The following AFAP1L1 variants were observed in gnomAD, a reference collection of about 807,000 sequenced individuals.
AFAP1L1 encodes the protein actin filament-associated protein 1-like 1.
AFAP1L1 carries 77 observed loss-of-function variants against 99.8 expected under a neutral mutation model. The observed-to-expected ratio is 0.77, with a 90% confidence interval of 0.64 to 0.93. The LOEUF is 0.93. AFAP1L1 is among the 40% of genes least tolerant of loss of function. The probability of loss-of-function intolerance (pLI) is 0.00; values close to 1 mark genes in which losing one functional copy is unlikely to be tolerated. For synonymous variants in AFAP1L1, 373 were observed against 395.3 expected, an observed-to-expected ratio of 0.94 and a Z score of 0.67; for missense variants, 893 against 996.8, an observed-to-expected ratio of 0.90 and a Z score of 1.40.
intron 15 of AFAP1L1, among the ~76,000 whole-genome samples, chr5:149,323,940 G>A (rs539465682): frequency 1.3e-5 from 2 of 152,334 alleles, no homozygotes; most frequent in East Asian, 3.9e-4. Flanking sequence ...ACACAAAAAA[G>A]CAGACCCTTT....
chr5:149,324,644 T>C (rs1427308276), intron 15 of AFAP1L1, among the ~76,000 whole-genome samples: 1 of 152,186 alleles, frequency 6.6e-6, no homozygotes. Flanking sequence ...CTTGGATAGA[T>C]AGTTCTGGCT....
intron 18 of AFAP1L1, among the ~76,000 whole-genome samples, chr5:149,338,609 G>A (rs1757472819): frequency 6.6e-6 from 1 of 152,218 alleles, no homozygotes; most frequent in African/African-American, 2.4e-5. Context: ...CCATATGCCA[G>A]TCTTGTTCTA....
intron 15 of AFAP1L1, among the ~76,000 whole-genome samples, chr5:149,326,551 A>T (rs964581105): frequency 3.4e-5 from 4 of 117,952 alleles, no homozygotes; most frequent in African/African-American, 7.9e-5. Flanking sequence ...AAAATAAAAA[A>T]AAAAAAAAAA....
chr5:149,322,429 A>C lies in AFAP1L1; in HGVS notation c.1699-177A>C, dbSNP rs114550434. The stretch of plus-strand genomic sequence containing the variant: ...CCCCCAGCAGAAAGGTATGAGGTTC[A>C]AATGATATACTGCTAGCAAAAGTGC... On this transcript the variant is annotated intron_variant, in intron 14 of 18. Transcript: ENST00000296721. 7.6e-3 allele frequency among the ~76,000 whole-genome samples: 1,154 copies of C among 152,332 alleles called. 8 individuals are homozygous for C. Among genetic ancestry groups the C allele is most frequent in the African/African-American group, 0.026 (1,092 of 41,568 alleles).
At chr5:149,284,349 C>G (rs116757598) in intron 1 of AFAP1L1, among the ~76,000 whole-genome samples, 1 of 152,180 alleles carries the variant, frequency 6.6e-6, no homozygotes, top group African/African-American at 2.4e-5. Flanking sequence ...TGAATCCTGG[C>G]TCTACTCCTT....
At position 149,332,757 on chromosome 5, in the gene AFAP1L1, G is replaced by A. The variant is rs765756118; in HGVS notation, c.2038G>A (p.Glu680Lys). ...ATLEAQCRAKEERRIDLELKL... is the reference protein window; with the variant it reads ...ATLEAQCRAKKERRIDLELKL... ...CCTGGAAGCTCAGTGTCGGGCAAAG[G>A]AGGAGCGCCGGATTGACCTGGAGCT... The change falls in exon 17 of 19, where the codon GAG becomes AAG. Residue 680 changes from glutamate to lysine, a missense_variant. Coordinates refer to ENST00000296721, the MANE Select transcript of AFAP1L1 (RefSeq NM_152406.4). 6.2e-7 allele frequency: 1 copy of A among 1,613,894 alleles called. No homozygotes were observed. The highest frequency in any genetic ancestry group is 1.1e-5 in the South Asian group (1 of 91,068).
At chr5:149,290,339 C>T (rs1239110240) in intron 1 of AFAP1L1, among the ~76,000 whole-genome samples, 2 of 152,176 alleles carry the variant, frequency 1.3e-5, no homozygotes, top group African/African-American at 4.8e-5. Flanking sequence ...TTACTGAGAG[C>T]TTACTATGTG....
At chr5:149,280,138 A>G (rs190572206) in intron 1 of AFAP1L1, among the ~76,000 whole-genome samples, 3 of 152,350 alleles carry the variant, frequency 2.0e-5, no homozygotes, top group Admixed American at 2.0e-4. Flanking sequence ...TAACTCCAGG[A>G]TTCTCCATGT....
intron 1 of AFAP1L1, among the ~76,000 whole-genome samples, chr5:149,280,049 A>G (rs978849019): frequency 6.6e-5 from 10 of 152,312 alleles, no homozygotes; most frequent in Admixed American, 5.9e-4. Context: ...TAGGTGCTCA[A>G]TAAATGTCTG....
chr5:149,333,417 C>G (rs1293449327), intron 17 of AFAP1L1, among the ~76,000 whole-genome samples: 11 of 152,200 alleles, frequency 7.2e-5, no homozygotes, highest in Admixed American at 7.2e-4. Flanking sequence ...ATGGCAAAAC[C>G]CTGTCTCTAC....
chr5:149,315,535 C>T, intron 9 of AFAP1L1: 1 of 370,092 alleles, frequency 2.7e-6, no homozygotes. Flanking sequence ...CTCCCTGTCA[C>T]CTGCCAAATA....
intron 3 of AFAP1L1, 130 bp from the exon 4 acceptor site, chr5:149,301,003 G>C: frequency 3.0e-6 from 2 of 671,064 alleles, no homozygotes; most frequent in East Asian, 2.6e-5. Context: ...CATTTGTTTA[G>C]GGTTACTAAC....
At chr5:149,282,965 A>G (rs1016308463) in intron 1 of AFAP1L1, among the ~76,000 whole-genome samples, 4 of 152,230 alleles carry the variant, frequency 2.6e-5, no homozygotes, top group Non-Finnish European at 4.4e-5. Flanking sequence ...CAGAGCTGCT[A>G]TGGGTGAAGT....
chr5:149,293,338 G>A (rs1238360100), intron 1 of AFAP1L1, among the ~76,000 whole-genome samples: 1 of 152,184 alleles, frequency 6.6e-6, no homozygotes, highest in East Asian at 1.9e-4. Context: ...GCTGGGAGGG[G>A]AGCCCAAATT....
At chr5:149,314,074 A>G (rs1176622536) in intron 9 of AFAP1L1, among the ~76,000 whole-genome samples, 1 of 152,222 alleles carries the variant, frequency 6.6e-6, no homozygotes, top group Non-Finnish European at 1.5e-5. Flanking sequence ...GTTGAGCCTT[A>G]AGGCATAGGC....
rs376158702 is a variant in AFAP1L1, at chr5:149,300,425, G to A, written c.229+71G>A. ...CCCTGTGTATGCAGAAGGGTCCCCC[G>A]ACTGGGCTGGGCTTGGCTCTAACAT... On this transcript the variant is annotated intron_variant, in intron 3 of 18. Transcript: ENST00000296721. The A allele has an allele frequency of 8.4e-4, 1,173 of 1,394,940 alleles. 11 individuals carry two copies. The South Asian group carries it at 9.0e-3, about 11-fold the overall frequency. The allele number at this position is 1,394,940 out of a possible 1,614,324, so 86.4% of individuals were successfully genotyped here.
In AFAP1L1 at chr5:149,309,084, G is replaced by A. The variant is rs376036049; in HGVS notation, c.748-872G>A. ...TATGATCACAGCACTGCACTCCAGC[G>A]TGGGTGATAAAGCAAGACCCAGTCT... On this transcript the variant is annotated intron_variant, in intron 7 of 18. Transcript: ENST00000296721. Among the ~76,000 whole-genome samples, 4 of 152,198 alleles carry A rather than the reference G, an allele frequency of 2.6e-5. No individual in the cohort carries two copies. In the East Asian group the frequency reaches 5.8e-4, roughly 22 times the overall value.
intron 18 of AFAP1L1, among the ~76,000 whole-genome samples, chr5:149,339,320 G>A (rs1418962470): frequency 6.6e-6 from 1 of 151,734 alleles, no homozygotes; most frequent in Non-Finnish European, 1.5e-5. Flanking sequence ...CTCCTGTGTA[G>A]CTGGGATTAC....
At chr5:149,331,711 CAG>C (rs1451208612) in intron 16 of AFAP1L1, among the ~76,000 whole-genome samples, 1 of 151,972 alleles carries the variant, frequency 6.6e-6, no homozygotes, top group African/African-American at 2.4e-5. Flanking sequence ...TTACAAGTAA[CAG>C]AAACCAAAGC....
Sources: gnomAD v4.1 joint callset for allele counts (sites outside exome capture counted in the v4.1 genomes callset) on GRCh38, gnomAD v4.1.1 for gene constraint, MANE v1.5 for transcripts, NCBI Gene and HGNC (gene_info 2026-07-23, HGNC 2026-07-21) for gene names.